The following AP3S2 variants were observed in gnomAD, a reference collection of about 807,000 sequenced individuals.
AP3S2 encodes the protein adaptor related protein complex 3 subunit sigma 2.
In AP3S2, 22 loss-of-function variants were observed where a neutral mutation model predicts 23.4. The observed-to-expected ratio is 0.94, with a 90% CI of 0.67 to 1.34. AP3S2 has a LOEUF of 1.34. AP3S2 is among the 40% of genes most tolerant of loss of function. The pLI is 0.00. For missense variants in AP3S2, 241 were observed against 236.9 expected, an observed-to-expected ratio of 1.02 and a Z score of -0.11; for synonymous variants, 86 against 87.1, an observed-to-expected ratio of 0.99 and a Z score of 0.07.
chr15:89,869,765 T>C (rs1896275010), intron 4 of AP3S2, among the ~76,000 whole-genome samples: 1 of 151,878 alleles, frequency 6.6e-6, no homozygotes, highest in African/African-American at 2.4e-5. Flanking sequence ...GTTGTTTTTT[T>C]TTTTTTGAGA....
At chr15:89,868,009 G>A (rs1306949771) in intron 4 of AP3S2, among the ~76,000 whole-genome samples, 42 of 141,808 alleles carry the variant, frequency 3.0e-4, no homozygotes, top group East Asian at 2.2e-3. Context: ...CCCCCCGCCC[G>A]GCCAGCCGCC....
chr15:89,890,548 G>C (rs950040229), intron 1 of AP3S2, among the ~76,000 whole-genome samples: 2 of 152,188 alleles, frequency 1.3e-5, no homozygotes, highest in African/African-American at 4.8e-5. Flanking sequence ...CATTTGCAAT[G>C]AATCAGCTGT....
chr15:89,842,706 G>A (rs1192340399), intron 4 of AP3S2, among the ~76,000 whole-genome samples: 2 of 151,756 alleles, frequency 1.3e-5, no homozygotes, highest in Non-Finnish European at 2.9e-5. Context: ...TCCACCTCCT[G>A]GGTTCAAGCG....
At chr15:89,878,730 T>C (rs1896500384) in intron 3 of AP3S2, among the ~76,000 whole-genome samples, 1 of 151,714 alleles carries the variant, frequency 6.6e-6, no homozygotes, top group South Asian at 2.1e-4. Flanking sequence ...CGAGGCTAAT[T>C]TTTGTTGTTG....
At position 89,833,155 on chromosome 15, in the gene AP3S2, T is replaced by C. The variant is rs1312631874; in HGVS notation, c.*2360A>G. Reference sequence around the variant, plus strand: ...CAAGAAGAGGGATGTGGCTCTGGATTTGTGACCCTCAACATAACATTTACC... The same window carrying C: ...CAAGAAGAGGGATGTGGCTCTGGATCTGTGACCCTCAACATAACATTTACC... On this transcript the variant is annotated 3_prime_UTR_variant, in exon 6 of 6. Coordinates refer to ENST00000336418, the MANE Select transcript of AP3S2 (RefSeq NM_005829.5). 1 of 152,238 alleles carries C rather than the reference T, an allele frequency of 6.6e-6. No individual in the cohort carries two copies. The highest frequency in any genetic ancestry group is 1.5e-5 in the Non-Finnish European group (1 of 68,054). 9.4% of individuals were successfully genotyped at this position (152,238 alleles called of 1,614,324 possible).
intron 3 of AP3S2, 109 bp downstream of exon 3, chr15:89,888,412 T>A (rs1596224013): frequency 1.9e-6 from 2 of 1,046,496 alleles, no homozygotes; most frequent in East Asian, 5.0e-5. Flanking sequence ...ATCTGGCAAC[T>A]TTTACTAGTA....
intron 2 of AP3S2, among the ~76,000 whole-genome samples, 176 bp downstream of exon 2, chr15:89,888,873 C>T (rs189137362): frequency 6.6e-6 from 1 of 152,272 alleles, no homozygotes; most frequent in Middle Eastern, 3.4e-3. Flanking sequence ...ATATCAGAAG[C>T]ACAATAATTG....
At chr15:89,868,459 C>G (rs1424021013) in intron 4 of AP3S2, among the ~76,000 whole-genome samples, 1 of 88,492 alleles carries the variant, frequency 1.1e-5, no homozygotes, top group African/African-American at 4.4e-5. Context: ...CCCGGCCACC[C>G]CTACTGGGAA....
At chr15:89,880,190 G>A (rs140463158) in intron 3 of AP3S2, among the ~76,000 whole-genome samples, 1 of 152,050 alleles carries the variant, frequency 6.6e-6, no homozygotes, top group African/African-American at 2.4e-5. Context: ...AGATTCAAAA[G>A]AAGAAATGAA....
At chr15:89,864,820 G>GC (rs1896081320) in intron 4 of AP3S2, among the ~76,000 whole-genome samples, 1 of 152,122 alleles carries the variant, frequency 6.6e-6, no homozygotes, top group Non-Finnish European at 1.5e-5. Flanking sequence ...GGGATTATAG[G>GC]CATTAGCCAC....
intron 4 of AP3S2, among the ~76,000 whole-genome samples, chr15:89,844,968 C>T (rs914929671): frequency 6.6e-6 from 1 of 151,984 alleles, no homozygotes; most frequent in African/African-American, 2.4e-5. Context: ...TGCAGTGGCA[C>T]GATCTCGGCT....
At chr15:89,878,260 C>T (rs1378037823) in intron 3 of AP3S2, 1 of 652,812 alleles carries the variant, frequency 1.5e-6, no homozygotes, top group Non-Finnish European at 2.7e-6. Context: ...AGAATATTTT[C>T]ATACCTTGGG....
At chr15:89,872,404 T>C (rs1449838429) in intron 3 of AP3S2, among the ~76,000 whole-genome samples, 1 of 152,192 alleles carries the variant, frequency 6.6e-6, no homozygotes, top group African/African-American at 2.4e-5. Context: ...AGCTTACTTC[T>C]CTATAGAACC....
rs146502390 is a variant in AP3S2, at chr15:89,856,872, T to TA, written c.345+14602dup. Among the ~76,000 whole-genome samples, 1,072 of 120,514 alleles carry TA rather than the reference T, an allele frequency of 8.9e-3. 6 individuals are homozygous for TA. Among genetic ancestry groups the TA allele is most frequent in the East Asian group, 0.016 (69 of 4,446 alleles). 79.1% of individuals were successfully genotyped at this position (120,514 alleles called of 152,430 possible). A position where few individuals can be genotyped will look rare whatever the true frequency, so the allele number is the denominator to read the frequency against. Reference sequence around the variant, plus strand: ...TGGGCAACAGAGTAAGACTCTGTCTTAAAAAAAAAAAAAAAGAAAAGAAAA... The same window carrying TA: ...TGGGCAACAGAGTAAGACTCTGTCTTAAAAAAAAAAAAAAAAGAAAAGAAAA... On this transcript the variant is annotated intron_variant, in intron 4 of 5. Transcript: ENST00000336418.
At chr15:89,870,909 C>T (rs1028651105) in intron 4 of AP3S2, among the ~76,000 whole-genome samples, 2 of 152,206 alleles carry the variant, frequency 1.3e-5, no homozygotes, top group African/African-American at 2.4e-5. Context: ...AGGACATAGG[C>T]CATGTCACAG....
Position 89,832,583 on chromosome 15 carries a change from G to A in AP3S2, c.*2932C>T, listed in dbSNP as rs1015703873. ...GGCTCACTGCAAGCTCTGCCTCCCG[G>A]GTTCATGCCATTCTCCTGCCGCAGC... On this transcript the variant is annotated 3_prime_UTR_variant, in exon 6 of 6. Transcript: ENST00000336418. The A allele has an allele frequency of 6.7e-6, 1 of 150,054 alleles. No individual in the cohort carries two copies. The highest frequency in any genetic ancestry group is 1.5e-5 in the Non-Finnish European group (1 of 67,806). The allele number at this position is 150,054 out of a possible 1,614,324, so 9.3% of individuals were successfully genotyped here. A position where few individuals can be genotyped will look rare whatever the true frequency, so the allele number is the denominator to read the frequency against.
intron 1 of AP3S2, among the ~76,000 whole-genome samples, chr15:89,890,301 T>G (rs1896791505): frequency 6.6e-6 from 1 of 152,210 alleles, no homozygotes. Flanking sequence ...CCACCTGCTT[T>G]GGCCTCCCAA....
intron 4 of AP3S2, among the ~76,000 whole-genome samples, chr15:89,844,812 T>A (rs1374357258): frequency 6.6e-6 from 1 of 152,184 alleles, no homozygotes. Flanking sequence ...CCTCTACTCT[T>A]CCATAGTTAT....
intron 4 of AP3S2, among the ~76,000 whole-genome samples, chr15:89,843,010 G>A (rs1243729462): frequency 2.0e-5 from 3 of 151,438 alleles, no homozygotes; most frequent in Non-Finnish European, 4.4e-5. Context: ...TTGAGACAGA[G>A]TTTCACTCTT....
Sources: gnomAD v4.1 joint callset for allele counts (sites outside exome capture counted in the v4.1 genomes callset) on GRCh38, gnomAD v4.1.1 for gene constraint, MANE v1.5 for transcripts, NCBI Gene and HGNC (gene_info 2026-07-23, HGNC 2026-07-21) for gene names.